PKNOX2: variants seen among roughly 807,000 people sequenced by gnomAD.
The protein encoded by PKNOX2 is PBX/knotted 1 homeobox 2.
Under a neutral mutation model 53.1 loss-of-function variants are expected in PKNOX2, and 14 were observed. The ratio of observed to expected loss-of-function variants is 0.26; its 90% CI spans 0.17 to 0.41. PKNOX2 has a LOEUF of 0.41. Ranked by LOEUF, PKNOX2 falls within the 10% of genes least tolerant of loss-of-function variation. The pLI is 1.00. For missense variants in PKNOX2, 496 were observed against 602.8 expected (o/e 0.82, Z 1.85); for synonymous variants, 257 against 242.8 (o/e 1.06, Z -0.54).
At chr11:125,263,856 G>A (rs1471570443) in intron 2 of PKNOX2, among the ~76,000 whole-genome samples, 1 of 152,242 alleles carries the variant, frequency 6.6e-6, no homozygotes, top group Non-Finnish European at 1.5e-5. Context: ...CTGGAGAACA[G>A]CTGCCTTGGC....
chr11:125,411,055 C>G, intron 9 of PKNOX2, 179 bp downstream of exon 9: 1 of 590,054 alleles, frequency 1.7e-6, no homozygotes, highest in Non-Finnish European at 3.0e-6. Context: ...TTATCAACTC[C>G]TGGGATTTTG....
intron 2 of PKNOX2, among the ~76,000 whole-genome samples, chr11:125,323,658 T>C (rs1319269129): frequency 6.6e-6 from 1 of 152,172 alleles, no homozygotes; most frequent in Admixed American, 6.5e-5. Flanking sequence ...AAAATTTACA[T>C]GTGTGGGGAA....
At chr11:125,347,499 G>A (rs1951044019) in intron 3 of PKNOX2, among the ~76,000 whole-genome samples, 1 of 152,092 alleles carries the variant, frequency 6.6e-6, no homozygotes, top group Non-Finnish European at 1.5e-5. Flanking sequence ...CTGTTTGTCA[G>A]CACACTGGAT....
intron 2 of PKNOX2, among the ~76,000 whole-genome samples, chr11:125,269,327 T>C (rs1945610378): frequency 1.3e-5 from 2 of 152,172 alleles, no homozygotes; most frequent in Non-Finnish European, 2.9e-5. Flanking sequence ...GCTCATTTTA[T>C]TTCTCCTACA....
rs1273661578 is a variant in PKNOX2, at chr11:125,166,643, T to G, written c.-201+1867T>G. On this transcript the variant is annotated intron_variant, in intron 1 of 12. Coordinates refer to ENST00000298282, the MANE Select transcript of PKNOX2 (RefSeq NM_001382323.2). This position sits in a 1 kb window ranked among gnomAD's most constrained non-coding sequence, Gnocchi z 4.0. ...CCGGGGGGCAGCGCTAGCAGCGAGG[T>G]GCCACAGTGGGCCGAGGAGTCTGGG... is the stretch of plus-strand genomic sequence containing the variant. 6.6e-6 allele frequency among the ~76,000 whole-genome samples: 1 copy of G among 152,002 alleles called. No individual in the cohort carries two copies. Among genetic ancestry groups the G allele is most frequent in the Non-Finnish European group, 1.5e-5 (1 of 67,980 alleles).
At chr11:125,178,684 G>GAAAGAA (rs1565462539) in intron 1 of PKNOX2, among the ~76,000 whole-genome samples, 9 of 99,628 alleles carry the variant, frequency 9.0e-5, no homozygotes, top group African/African-American at 2.8e-4. Flanking sequence ...GAAAGAGAGA[G>GAAAGAA]AGAGAGAGAG....
intron 1 of PKNOX2, among the ~76,000 whole-genome samples, chr11:125,195,449 G>A (rs897008883): frequency 1.3e-5 from 2 of 152,160 alleles, no homozygotes; most frequent in Non-Finnish European, 2.9e-5. Context: ...GAGGAGGGGT[G>A]AAGACTTTCA....
intron 1 of PKNOX2, among the ~76,000 whole-genome samples, chr11:125,195,519 G>A (rs879912591): frequency 7.2e-5 from 11 of 152,076 alleles, no homozygotes; most frequent in Non-Finnish European, 1.0e-4. Flanking sequence ...GTCCTGGTTT[G>A]TGTGGAGGCC....
At chr11:125,288,917 C>A (rs186400083) in intron 2 of PKNOX2, among the ~76,000 whole-genome samples, 13 of 152,364 alleles carry the variant, frequency 8.5e-5, no homozygotes, top group Non-Finnish European at 1.6e-4. Context: ...AACACACACA[C>A]GCTCTATCAG....
rs995337552 is a variant in PKNOX2, at chr11:125,284,615, A to G, written c.-129-47204A>G. ...TAAATTAAGAAGCATTAAGATAATG[A>G]TGGTCTAATCACCGTCCACACAGAG... On this transcript the variant is annotated intron_variant, in intron 2 of 12. Coordinates refer to ENST00000298282, the MANE Select transcript of PKNOX2 (RefSeq NM_001382323.2). Among the ~76,000 whole-genome samples, 5 of 152,188 alleles carry G rather than the reference A, an allele frequency of 3.3e-5. No individual in the cohort carries two copies. The East Asian group carries it at 9.6e-4, about 29-fold the overall frequency.
intron 4 of PKNOX2, among the ~76,000 whole-genome samples, chr11:125,365,225 T>C (rs1215159219): frequency 6.6e-6 from 1 of 152,172 alleles, no homozygotes; most frequent in African/African-American, 2.4e-5. Context: ...ACCGAACCCC[T>C]TTACCATCCT....
chr11:125,242,057 C>A (rs1445545201), intron 2 of PKNOX2, among the ~76,000 whole-genome samples: 1 of 151,378 alleles, frequency 6.6e-6, no homozygotes, highest in Non-Finnish European at 1.5e-5. Flanking sequence ...ATGCACCATG[C>A]AGAGGGAGCT....
At position 125,431,419 on chromosome 11, in the gene PKNOX2, C is replaced by G. The variant is rs1256508083; in HGVS notation, c.*27C>G. ...CGGGCAGCCCAGATGGCACTGATCA[C>G]TGAGCAGGAGAGGAGTGTCGCCGGG... On this transcript the variant is annotated 3_prime_UTR_variant, in exon 13 of 13. Transcript: ENST00000298282. The G allele has an allele frequency of 2.2e-6, 3 of 1,346,896 alleles. No individual in the cohort carries two copies. Among genetic ancestry groups the G allele is most frequent in the Non-Finnish European group, 2.9e-6 (3 of 1,020,016 alleles). The allele number at this position is 1,346,896 out of a possible 1,614,324, so 83.4% of individuals were successfully genotyped here.
In PKNOX2 at chr11:125,166,866, A is replaced by T. The variant is rs1025221887; in HGVS notation, c.-201+2090A>T. Among the ~76,000 whole-genome samples, 1 of 152,122 alleles carries T rather than the reference A, an allele frequency of 6.6e-6. No homozygotes were observed. Among genetic ancestry groups the T allele is most frequent in the Non-Finnish European group, 1.5e-5 (1 of 68,032 alleles). On this transcript the variant is annotated intron_variant, in intron 1 of 12. Transcript: ENST00000298282. This position sits in a 1 kb window ranked among gnomAD's most constrained non-coding sequence, Gnocchi z 4.0. ...TAGCTTTTCGGGTTTCAAATGCTCT[A>T]TAACCGGTGGCAGCCAAAAGCTTCG...
At chr11:125,169,384 G>A (rs1448081487) in intron 1 of PKNOX2, among the ~76,000 whole-genome samples, 2 of 152,206 alleles carry the variant, frequency 1.3e-5, no homozygotes, top group African/African-American at 4.8e-5. Context: ...TATCCAGGCA[G>A]CATGGCCAGG....
At chr11:125,411,939 C>T in intron 10 of PKNOX2, 74 bp downstream of exon 10, 1 of 1,594,084 alleles carries the variant, frequency 6.3e-7, no homozygotes, top group Non-Finnish European at 8.6e-7. Flanking sequence ...GTACCAGACT[C>T]TGCTGTCGGC....
chr11:125,250,078 A>C (rs1200580567), intron 2 of PKNOX2, among the ~76,000 whole-genome samples: 2 of 150,864 alleles, frequency 1.3e-5, no homozygotes, highest in Non-Finnish European at 1.5e-5. Flanking sequence ...AAAAAAAAAA[A>C]AAAAAAAAAA....
intron 2 of PKNOX2, among the ~76,000 whole-genome samples, chr11:125,242,151 TTGG>T (rs1378230889): frequency 6.6e-6 from 1 of 152,162 alleles, no homozygotes; most frequent in African/African-American, 2.4e-5. Context: ...GGCCCTGTGC[TTGG>T]TGTGTCGCTG....
At chr11:125,294,642 G>A (rs922871883) in intron 2 of PKNOX2, among the ~76,000 whole-genome samples, 2 of 152,182 alleles carry the variant, frequency 1.3e-5, no homozygotes, top group African/African-American at 2.4e-5. Context: ...AGATGGAAAA[G>A]GTGTGGGCTT....
Sources: gnomAD v4.1 joint callset for allele counts (sites outside exome capture counted in the v4.1 genomes callset) on GRCh38, gnomAD v4.1.1 for gene constraint, Gnocchi (gnomAD v3.1) non-coding constraint, MANE v1.5 for transcripts, NCBI Gene and HGNC (gene_info 2026-07-23, HGNC 2026-07-21) for gene names.